The following PCLO variants were observed in gnomAD, a reference collection of about 807,000 sequenced individuals.
The protein encoded by PCLO is piccolo presynaptic cytomatrix protein.
PCLO carries 82 observed loss-of-function variants against 427.5 expected under a neutral mutation model. That is an observed-to-expected ratio of 0.19 (90% CI 0.16 to 0.23). The LOEUF is 0.23. Ranked by LOEUF, PCLO falls within the 10% of genes least tolerant of loss-of-function variation. The pLI is 1.00. For synonymous variants in PCLO, 2,357 were observed against 2,155.4 expected, an observed-to-expected ratio of 1.09 and a Z score of -2.59; for missense variants, 6,239 against 6,115.9, an observed-to-expected ratio of 1.02 and a Z score of -0.67.
chr7:82,883,651 T>C (rs574142589), intron 9 of PCLO, among the ~76,000 whole-genome samples: 2 of 152,346 alleles, frequency 1.3e-5, no homozygotes, highest in South Asian at 4.1e-4. Context: ...TTAATCGAAC[T>C]CTAATCCTGA....
intron 3 of PCLO, among the ~76,000 whole-genome samples, chr7:83,118,082 A>G (rs1248385182): frequency 1.3e-5 from 2 of 152,222 alleles, no homozygotes; most frequent in East Asian, 3.9e-4. Context: ...TACTTGGTAA[A>G]TAATTTGGTG....
intron 16 of PCLO, among the ~76,000 whole-genome samples, chr7:82,828,781 G>A (rs1004406862): frequency 1.3e-5 from 2 of 152,094 alleles, no homozygotes; most frequent in African/African-American, 4.8e-5. Flanking sequence ...ATTACCAAAT[G>A]GTGCCCACAC....
At chr7:83,153,455 T>C (rs1184121074) in intron 2 of PCLO, among the ~76,000 whole-genome samples, 2 of 152,150 alleles carry the variant, frequency 1.3e-5, no homozygotes, top group Non-Finnish European at 2.9e-5. Context: ...TAACATAAAT[T>C]ACCAATGATC....
Position 83,134,541 on chromosome 7 carries a change from T to C in PCLO, c.3009A>G (p.Pro1003=). The change falls in exon 3 of 25, where the codon CCA becomes CCG. Residue 1003 remains proline (P), a synonymous_variant. Coordinates refer to ENST00000333891, the MANE Select transcript of PCLO (RefSeq NM_033026.6). ...SIPVKKETKA[P]AAEKLEPKAE... is the part of the protein sequence containing the mutation. ...CTTTGGGCTCTAATTTTTCAGCTGC[T>C]GGGGCTTTTGTTTCCTTTTTCACAG... The C allele has an allele frequency of 6.2e-7, 1 of 1,613,976 alleles. No individual in the cohort carries two copies. The highest frequency in any genetic ancestry group is 8.5e-7 in the Non-Finnish European group (1 of 1,179,880).
At chr7:83,016,481 G>T (rs1441529135) in intron 3 of PCLO, among the ~76,000 whole-genome samples, 1 of 151,948 alleles carries the variant, frequency 6.6e-6, no homozygotes, top group East Asian at 1.9e-4. Flanking sequence ...AACAAATATA[G>T]AAGTTTCAGC....
At chr7:82,969,874 GA>G (rs1199442815) in intron 3 of PCLO, among the ~76,000 whole-genome samples, 1 of 152,058 alleles carries the variant, frequency 6.6e-6, no homozygotes, top group East Asian at 1.9e-4. Flanking sequence ...TATTTTCCAA[GA>G]AGGTTTGGCC....
intron 20 of PCLO, chr7:82,820,394 A>G: frequency 6.5e-6 from 3 of 465,042 alleles, no homozygotes; most frequent in Non-Finnish European, 8.8e-6. Context: ...ATTAAAATCT[A>G]TTGCAACGAA....
chr7:82,863,572 T>C (rs939228722), intron 10 of PCLO, among the ~76,000 whole-genome samples: 9 of 151,992 alleles, frequency 5.9e-5, no homozygotes, highest in African/African-American at 2.2e-4. Context: ...ATGTTATCAA[T>C]GTTAGAGTGT....
At position 82,952,610 on chromosome 7, in the gene PCLO, T is replaced by C. The variant is rs1795385286; in HGVS notation, c.8343A>G (p.Thr2781=). The part of the protein sequence containing the change: ...VQPSIINLSV[T]SSIVTPVSLA... ...GAGATACAGGAGTCACTATTGATGATGTCACACTAAGATTTATAATAGAGG... is the reference window on the plus strand; with the variant it reads ...GAGATACAGGAGTCACTATTGATGACGTCACACTAAGATTTATAATAGAGG... The change falls in exon 5 of 25, where the codon ACA becomes ACG. Residue 2781 remains threonine (T), a synonymous_variant. Transcript: ENST00000333891. The C allele has an allele frequency of 6.2e-7, 1 of 1,613,832 alleles. No homozygotes were observed. The highest frequency in any genetic ancestry group is 1.3e-5 in the African/African-American group (1 of 74,926).
At chr7:83,123,064 A>G (rs866845218) in intron 3 of PCLO, among the ~76,000 whole-genome samples, 11 of 152,196 alleles carry the variant, frequency 7.2e-5, no homozygotes, top group African/African-American at 2.7e-4. Flanking sequence ...TACCCAAAGC[A>G]ATCTACAGAT....
chr7:83,053,821 G>A (rs1157369670), intron 3 of PCLO, among the ~76,000 whole-genome samples: 1 of 151,760 alleles, frequency 6.6e-6, no homozygotes, highest in East Asian at 1.9e-4. Context: ...ATTTTAAGAT[G>A]ATAATATTTA....
chr7:82,965,746 G>A, intron 4 of PCLO, 25 bp downstream of exon 4: 1 of 1,489,650 alleles, frequency 6.7e-7, no homozygotes, highest in Non-Finnish European at 9.2e-7. Context: ...ATGAGAGTGT[G>A]AGAAGTTAGT....
intron 3 of PCLO, among the ~76,000 whole-genome samples, chr7:83,117,112 T>G (rs1457040617): frequency 6.6e-6 from 1 of 152,126 alleles, no homozygotes; most frequent in East Asian, 1.9e-4. Context: ...GAAAACAAAC[T>G]TAGTGAAAAG....
intron 3 of PCLO, among the ~76,000 whole-genome samples, chr7:83,124,846 A>G (rs1197759874): frequency 6.6e-6 from 1 of 150,822 alleles, no homozygotes; most frequent in African/African-American, 2.4e-5. Context: ...GCTCACTGCA[A>G]CCTCCCTGCC....
chr7:82,957,316 T>C (rs1025096277), intron 4 of PCLO, among the ~76,000 whole-genome samples: 4 of 152,174 alleles, frequency 2.6e-5, no homozygotes, highest in Non-Finnish European at 4.4e-5. Flanking sequence ...ACATAAGTTA[T>C]ACTTTTGGAT....
chr7:82,909,061 G>T, intron 7 of PCLO, 48 bp from the exon 8 acceptor site: 1 of 1,592,906 alleles, frequency 6.3e-7, no homozygotes, highest in Non-Finnish European at 8.6e-7. Context: ...AAGTAATACA[G>T]ATGATTGAGG....
At chr7:82,919,241 A>T (rs973618905) in intron 6 of PCLO, among the ~76,000 whole-genome samples, 4 of 151,962 alleles carry the variant, frequency 2.6e-5, no homozygotes, top group Non-Finnish European at 5.9e-5. Flanking sequence ...TATAATTTTT[A>T]AAAAAGAGAA....
At chr7:82,891,849 T>C (rs184727839) in intron 9 of PCLO, among the ~76,000 whole-genome samples, 9 of 152,150 alleles carry the variant, frequency 5.9e-5, no homozygotes, top group Admixed American at 3.9e-4. Flanking sequence ...TACCTAGGAA[T>C]CCAACTCACA....
At chr7:82,904,282 CTT>C (rs1261554167) in intron 8 of PCLO, among the ~76,000 whole-genome samples, 25 of 151,788 alleles carry the variant, frequency 1.6e-4, no homozygotes, top group Non-Finnish European at 8.8e-5. Context: ...GTCTCTATCT[CTT>C]TTGTCTGTCT....
Sources: gnomAD v4.1 joint callset for allele counts (sites outside exome capture counted in the v4.1 genomes callset) on GRCh38, gnomAD v4.1.1 for gene constraint, MANE v1.5 for transcripts, NCBI Gene and HGNC (gene_info 2026-07-23, HGNC 2026-07-21) for gene names.